Variants in SLC35G2 observed in about 807,000 individuals in gnomAD.
SLC35G2 encodes the protein solute carrier family 35 member G2, also known as transmembrane protein 22.
SLC35G2 carries 20 observed loss-of-function variants against 27.2 expected under a neutral mutation model. The observed-to-expected ratio is 0.74, with a 90% CI of 0.52 to 1.07. The LOEUF is 1.07. Among genes scored for constraint, SLC35G2 ranks in the 50% least tolerant of loss-of-function variants. The pLI is 0.00. For missense variants in SLC35G2, 416 were observed against 493.3 expected, an observed-to-expected ratio of 0.84 and a Z score of 1.48; for synonymous variants, 148 against 165.3, an observed-to-expected ratio of 0.90 and a Z score of 0.80.
chr3:136,854,341 A>C (rs1576922237), intron 1 of SLC35G2, 102 bp from the exon 2 acceptor site: 2 of 767,236 alleles, frequency 2.6e-6, no homozygotes, highest in East Asian at 5.5e-5. Context: ...GACTACTGTT[A>C]CAGCCTCTAC....
chr3:136,851,843 A>T (rs1417764554), intron 1 of SLC35G2, among the ~76,000 whole-genome samples: 6 of 152,184 alleles, frequency 3.9e-5, no homozygotes, highest in African/African-American at 1.4e-4. Flanking sequence ...TTAGAGAGGG[A>T]CTGGGATTCA....
At chr3:136,839,938 A>G (rs1235152594) in intron 1 of SLC35G2, among the ~76,000 whole-genome samples, 1 of 152,114 alleles carries the variant, frequency 6.6e-6, no homozygotes, top group East Asian at 1.9e-4. Context: ...ACCCACTTCT[A>G]TAACCCAGAC....
chr3:136,831,247 C>G (rs910123152), intron 1 of SLC35G2, among the ~76,000 whole-genome samples: 2 of 152,120 alleles, frequency 1.3e-5, no homozygotes, highest in African/African-American at 2.4e-5. Context: ...TTAGGAGATA[C>G]AAGATAGAGT....
chr3:136,841,018 C>T lies in SLC35G2; in HGVS notation c.-18-13425C>T, dbSNP rs923288292. ...CGATTTTGTTTTTTTTTTTAAGGGACGGTTTCGCCATTTTGCCCAGGCTGG... is the reference window on the plus strand; with the variant it reads ...CGATTTTGTTTTTTTTTTTAAGGGATGGTTTCGCCATTTTGCCCAGGCTGG... On this transcript the variant is annotated intron_variant, in intron 1 of 1. Coordinates refer to ENST00000446465, the MANE Select transcript of SLC35G2 (RefSeq NM_025246.3). 5.0e-5 allele frequency among the ~76,000 whole-genome samples: 7 copies of T among 139,958 alleles called. No individual in the cohort carries two copies. The East Asian group carries it at 8.6e-4, about 17-fold the overall frequency. The allele number at this position is 139,958 out of a possible 152,430, so 91.8% of individuals were successfully genotyped here. A position where few individuals can be genotyped will look rare whatever the true frequency, so the allele number is the denominator to read the frequency against.
chr3:136,839,708 C>T (rs1937010277), intron 1 of SLC35G2, among the ~76,000 whole-genome samples: 6 of 152,152 alleles, frequency 3.9e-5, no homozygotes, highest in Admixed American at 3.9e-4. Flanking sequence ...AATCTTTTCC[C>T]TCCCAGAGCC....
intron 1 of SLC35G2, among the ~76,000 whole-genome samples, chr3:136,826,330 A>G (rs980219038): frequency 1.3e-5 from 2 of 152,020 alleles, no homozygotes; most frequent in African/African-American, 4.8e-5. Context: ...AGCCACCACG[A>G]GGTCCTGGGC....
In SLC35G2 at chr3:136,849,103, C is replaced by G. The variant is rs557881345; in HGVS notation, c.-18-5340C>G. On this transcript the variant is annotated intron_variant, in intron 1 of 1. Transcript: ENST00000446465. The stretch of plus-strand genomic sequence containing the variant: ...CTGAGGCAGGAGAGTCGCTTGAATC[C>G]GGAGGTGGAGGTTGTAGTGAGCCAA... 1.5e-4 allele frequency among the ~76,000 whole-genome samples: 23 copies of G among 151,558 alleles called. No individual in the cohort carries two copies. The South Asian group carries it at 4.8e-3, about 32-fold the overall frequency.
chr3:136,826,225 A>G (rs1936582217), intron 1 of SLC35G2, among the ~76,000 whole-genome samples: 1 of 151,690 alleles, frequency 6.6e-6, no homozygotes, highest in South Asian at 2.1e-4. Context: ...TTTAGTAGAG[A>G]CAGGGGTTTC....
At chr3:136,819,791 A>T (rs1279329641) in intron 1 of SLC35G2, 163 bp downstream of exon 1, 1 of 152,190 alleles carries the variant, frequency 6.6e-6, no homozygotes, top group Non-Finnish European at 1.5e-5. Flanking sequence ...TTTTCGTGGT[A>T]CATCGACGGT....
chr3:136,849,356 A>C (rs771559915), intron 1 of SLC35G2, among the ~76,000 whole-genome samples: 25 of 152,046 alleles, frequency 1.6e-4, no homozygotes, highest in Admixed American at 1.3e-4. Context: ...TGTAATAATC[A>C]TAGGTAATAA....
intron 1 of SLC35G2, among the ~76,000 whole-genome samples, chr3:136,830,662 C>T (rs1242409473): frequency 6.6e-6 from 1 of 152,196 alleles, no homozygotes. Flanking sequence ...GATCCGCCCA[C>T]CTCAGCCTCC....
intron 1 of SLC35G2, among the ~76,000 whole-genome samples, chr3:136,827,549 G>T (rs1157075114): frequency 6.6e-6 from 1 of 152,092 alleles, no homozygotes; most frequent in African/African-American, 2.4e-5. Context: ...GTGTTATTAG[G>T]TTACGTATTT....
At chr3:136,830,109 T>C (rs1251823241) in intron 1 of SLC35G2, among the ~76,000 whole-genome samples, 3 of 134,766 alleles carry the variant, frequency 2.2e-5, no homozygotes, top group East Asian at 2.1e-4. Context: ...TATTTCTTTT[T>C]TTTTTTTTTT....
chr3:136,821,389 T>C (rs1402745992), intron 1 of SLC35G2, among the ~76,000 whole-genome samples: 2 of 152,186 alleles, frequency 1.3e-5, no homozygotes, highest in Non-Finnish European at 2.9e-5. Context: ...GTCCAATTTT[T>C]TAGACTTAAA....
chr3:136,838,810 G>A (rs1936975246), intron 1 of SLC35G2: 1 of 152,142 alleles, frequency 6.6e-6, no homozygotes, highest in Admixed American at 6.6e-5. Context: ...TGGGCAGTTG[G>A]AAGCCTTCTT....
At chr3:136,849,396 TAA>T (rs1937537857) in intron 1 of SLC35G2, among the ~76,000 whole-genome samples, 1 of 151,992 alleles carries the variant, frequency 6.6e-6, no homozygotes, top group African/African-American at 2.4e-5. Flanking sequence ...ATGTAGAAAC[TAA>T]AGTTTATGAA....
chr3:136,830,296 T>G (rs1325015018), intron 1 of SLC35G2, among the ~76,000 whole-genome samples: 1 of 151,050 alleles, frequency 6.6e-6, no homozygotes, highest in Non-Finnish European at 1.5e-5. Flanking sequence ...ATTATTATTT[T>G]TTTTGAGACA....
chr3:136,826,784 T>C (rs1936596325), intron 1 of SLC35G2, among the ~76,000 whole-genome samples: 1 of 151,966 alleles, frequency 6.6e-6, no homozygotes, highest in Non-Finnish European at 1.5e-5. Flanking sequence ...ACCACAGGCA[T>C]GCACCACCAC....
chr3:136,853,361 C>G (rs1316269682), intron 1 of SLC35G2, among the ~76,000 whole-genome samples: 2 of 152,188 alleles, frequency 1.3e-5, no homozygotes, highest in Non-Finnish European at 2.9e-5. Context: ...GCCTCAGCCT[C>G]CCAAAATGCT....
Sources: gnomAD v4.1 joint callset for allele counts (sites outside exome capture counted in the v4.1 genomes callset) on GRCh38, gnomAD v4.1.1 for gene constraint, MANE v1.5 for transcripts, NCBI Gene and HGNC (gene_info 2026-07-23, HGNC 2026-07-21) for gene names.